Variants in SYNE1 observed in about 807,000 individuals in gnomAD.
The protein encoded by SYNE1 is spectrin repeat containing nuclear envelope protein 1.
SYNE1 carries 616 observed loss-of-function variants against 1,111.0 expected under a neutral mutation model. That is an observed-to-expected ratio of 0.55 (90% CI 0.52 to 0.59). The LOEUF is 0.59. SYNE1 is among the 20% of genes least tolerant of loss of function. SYNE1 has a pLI of 0.00. For missense variants in SYNE1, 10,006 were observed against 10,417.0 expected (o/e 0.96, Z 1.72); for synonymous variants, 3,855 against 3,825.8 (o/e 1.01, Z -0.28).
At chr6:152,510,108 A>G in intron 8 of SYNE1, 85 bp downstream of exon 8, 2 of 1,356,120 alleles carry the variant, frequency 1.5e-6, no homozygotes, top group African/African-American at 1.4e-5. Flanking sequence ...GTCTCTTCAC[A>G]TTTCGCAATC....
chr6:152,224,786 AAAC>A, intron 116 of SYNE1, 122 bp from the exon 117 acceptor site: 3 of 1,009,720 alleles, frequency 3.0e-6, no homozygotes, highest in Non-Finnish European at 4.4e-6. Flanking sequence ...TATCATAAAC[AAAC>A]AAAACTAAAA....
At chr6:152,175,853 G>T (rs1200421803) in intron 130 of SYNE1, among the ~76,000 whole-genome samples, 2 of 152,076 alleles carry the variant, frequency 1.3e-5, no homozygotes, top group Non-Finnish European at 2.9e-5. Flanking sequence ...GAAAGTGAAT[G>T]TAATATTCTT....
rs368739171 is a variant in SYNE1, at chr6:152,609,152, C to T, written c.67+19113G>A. 7.9e-5 allele frequency among the ~76,000 whole-genome samples: 12 copies of T among 152,038 alleles called. No homozygotes were observed. In the South Asian group the frequency reaches 8.3e-4, roughly 11 times the overall value. On this transcript the variant is annotated intron_variant, in intron 3 of 145. Coordinates refer to ENST00000367255, the MANE Select transcript of SYNE1 (RefSeq NM_182961.4). ...GTGCAGCCCACGGAGGGTGAGCTGA[C>T]GAAGCAGGGTGGGGCACCGCCTCAC...
In SYNE1 at chr6:152,331,268, C is replaced by T. The variant is rs554814659; in HGVS notation, c.13417G>A (p.Glu4473Lys). Residue 4473 changes from glutamate (E) to lysine (K), a missense_variant, in exon 78 of 146, where the codon GAG (glutamate) becomes AAG (lysine). Physicochemically the swap from Glu to Lys is moderately conservative, Grantham distance 56. This residue lies in a region of SYNE1 where 4,955 missense variants were observed against 5,017.2 expected (regional missense o/e 0.99). Transcript: ENST00000367255. ...TGTTCACGGAACATTATCTTTCGCT[C>T]ATGTTGCTGAATTTGGCTGGTGGCC... is the stretch of plus-strand genomic sequence containing the variant. ...FQATSQIQQH[E>K]RKIMFREHIC... 9.6e-5 allele frequency: 155 copies of T among 1,614,120 alleles called. 1 individual carries two copies. The South Asian group carries it at 1.4e-3, about 15-fold the overall frequency.
chr6:152,426,902 G>A (rs943759596), intron 38 of SYNE1, among the ~76,000 whole-genome samples: 1 of 152,236 alleles, frequency 6.6e-6, no homozygotes, highest in Non-Finnish European at 1.5e-5. Context: ...AGTTTTCAGA[G>A]AAGCGATTAC....
At chr6:152,435,764 G>T in intron 33 of SYNE1, 177 bp downstream of exon 33, 1 of 746,252 alleles carries the variant, frequency 1.3e-6, no homozygotes, top group Non-Finnish European at 2.2e-6. Flanking sequence ...CTCTGTTATA[G>T]ATATTGGTTT....
chr6:152,585,050 A>G (rs187021701), intron 3 of SYNE1, among the ~76,000 whole-genome samples: 42 of 152,270 alleles, frequency 2.8e-4, no homozygotes, highest in African/African-American at 9.9e-4. Flanking sequence ...TAATTTAATC[A>G]TAGGGGTGGT....
At chr6:152,350,424 C>T in intron 71 of SYNE1, 89 bp from the exon 72 acceptor site, 3 of 1,571,164 alleles carry the variant, frequency 1.9e-6, no homozygotes, top group Non-Finnish European at 2.6e-6. Context: ...GTGCAACTCA[C>T]AGGGTAGTTA....
rs772907827 is a variant in SYNE1, at chr6:152,154,861, T to TTA, written c.24129+30_24129+31insTA. ...CCAGCTGGCTACTTTAATAGCAAAA[T>TTA]AAGGATTAAAAATTTGGAATTATAG... is the stretch of plus-strand genomic sequence containing the variant. On this transcript the variant is annotated intron_variant, in intron 133 of 145. Transcript: ENST00000367255. The TTA allele has an allele frequency of 5.0e-6, 8 of 1,613,512 alleles. No individual in the cohort carries two copies. In the South Asian group the frequency reaches 8.8e-5, roughly 18 times the overall value.
At position 152,358,513 on chromosome 6, in the gene SYNE1, GT is replaced by G; in HGVS notation, c.10467del (p.Lys3489AsnfsTer13). 2 of 1,614,142 alleles carry G rather than the reference GT, an allele frequency of 1.2e-6. No individual in the cohort carries two copies. The highest frequency in any genetic ancestry group is 1.7e-6 in the Non-Finnish European group (2 of 1,180,018). On this transcript the variant is annotated frameshift_variant, in exon 66 of 146. Transcript: ENST00000367255. LOFTEE classifies it high-confidence loss of function. Reference sequence around the variant, plus strand: ...TGATACTCTTGGTGCAGGCGGACAAGTTTTTCAGACTTGGTTACGGCTTCCT... The same window carrying G: ...TGATACTCTTGGTGCAGGCGGACAAGTTTTCAGACTTGGTTACGGCTTCCT... The part of the protein sequence containing the change: ...RAKEAVTKSE[K>X]LVRLHQEYQR...
chr6:152,122,537 C>T lies in SYNE1; in HGVS notation c.26293G>A (p.Val8765Ile). ...LLLLIGLACL[V>I]PMSEEDYSCA... ...CTGTAGTCTTCCTCTGACATTGGTA[C>T]AAGGCAGGCAAGCCCGATGAGGAGG... The change falls in exon 146 of 146, where the codon GTA (valine) becomes ATA (isoleucine). Residue 8765 changes from valine to isoleucine, a missense_variant. This residue lies in a region of SYNE1 where 761 missense variants were observed against 795.5 expected (regional missense o/e 0.96). Transcript: ENST00000367255. The T allele has an allele frequency of 6.2e-7, 1 of 1,614,178 alleles. No homozygotes were observed. The highest frequency in any genetic ancestry group is 8.5e-7 in the Non-Finnish European group (1 of 1,180,032).
chr6:152,189,111 T>C, intron 128 of SYNE1, 141 bp downstream of exon 128: 1 of 806,784 alleles, frequency 1.2e-6, no homozygotes, highest in Non-Finnish European at 2.1e-6. Flanking sequence ...TGAAATGTTC[T>C]GGTAGTAACC....
intron 3 of SYNE1, among the ~76,000 whole-genome samples, chr6:152,603,278 T>C (rs543945377): frequency 1.3e-5 from 2 of 152,204 alleles, no homozygotes; most frequent in Admixed American, 6.5e-5. Context: ...TACATCAGAG[T>C]TGAGGGAGAC....
chr6:152,205,148 TAA>T (rs201591711), intron 126 of SYNE1, among the ~76,000 whole-genome samples: 3 of 145,832 alleles, frequency 2.1e-5, no homozygotes, highest in African/African-American at 2.5e-5. Context: ...CTTTAAGCAT[TAA>T]AAAAAAAAAG....
intron 107 of SYNE1, among the ~76,000 whole-genome samples, chr6:152,241,163 A>C (rs1440830078): frequency 6.6e-6 from 1 of 152,234 alleles, no homozygotes; most frequent in Non-Finnish European, 1.5e-5. Flanking sequence ...CCCCTCTGGA[A>C]TAACTCAGAA....
intron 128 of SYNE1, among the ~76,000 whole-genome samples, chr6:152,186,496 C>T (rs779857001): frequency 1.6e-4 from 20 of 123,920 alleles, no homozygotes; most frequent in Admixed American, 8.1e-4. Context: ...GTGGAGTCTG[C>T]GGTGAGCCGA....
At chr6:152,401,468 A>G (rs1354540950) in intron 46 of SYNE1, 127 bp from the exon 47 acceptor site, 1 of 880,944 alleles carries the variant, frequency 1.1e-6, no homozygotes, top group East Asian at 2.6e-5. Context: ...GCCAGCTCCA[A>G]TGTTAATATG....
At chr6:152,158,048 C>T (rs575226531) in intron 131 of SYNE1, among the ~76,000 whole-genome samples, 3 of 152,228 alleles carry the variant, frequency 2.0e-5, no homozygotes, top group Non-Finnish European at 2.9e-5. Context: ...TGAGCCACTG[C>T]GCCTGGCATA....
At chr6:152,604,968 GA>G (rs2099607852) in intron 3 of SYNE1, among the ~76,000 whole-genome samples, 1 of 13,528 alleles carries the variant, frequency 7.4e-5, no homozygotes, top group Non-Finnish European at 1.4e-4. Flanking sequence ...AAGAAAGAAA[GA>G]AAGAAAGAAA....
Sources: allele counts gnomAD v4.1 joint callset (sites outside exome capture counted in the v4.1 genomes callset), GRCh38; gene constraint gnomAD v4.1.1; regional missense constraint gnomAD v4.1.1; transcripts MANE v1.5; gene names NCBI Gene and HGNC (gene_info 2026-07-23, HGNC 2026-07-21).